Variants in ATP10A observed in about 807,000 individuals in gnomAD.
ATP10A encodes ATPase phospholipid transporting 10A (putative), also known as phospholipid-transporting ATPase VA.
ATP10A carries 111 observed loss-of-function variants against 147.8 expected under a neutral mutation model. That is an observed-to-expected ratio of 0.75 (90% CI 0.64 to 0.88). The LOEUF (loss-of-function observed/expected upper bound fraction) is 0.88, where lower values mean the gene tolerates loss of function less well. Among genes scored for constraint, ATP10A ranks in the 40% least tolerant of loss-of-function variants. ATP10A has a pLI of 0.00. For missense variants in ATP10A, 1,927 were observed against 1,959.0 expected (o/e 0.98, Z 0.31); for synonymous variants, 875 against 841.6 (o/e 1.04, Z -0.69).
downstream of ATP10A, chr15:25,678,377 T>C (rs867481041): frequency 2.0e-5 from 3 of 152,130 alleles, no homozygotes; most frequent in Non-Finnish European, 4.4e-5. Context: ...AAGAACTGTT[T>C]GACAAAGTAG....
At chr15:25,792,454 C>A (rs539734669) in intron 1 of ATP10A, among the ~76,000 whole-genome samples, 1 of 152,328 alleles carries the variant, frequency 6.6e-6, no homozygotes, top group African/African-American at 2.4e-5. Context: ...CGGGATGCCC[C>A]AAAGCCTCAA....
chr15:25,733,567 C>A (rs1887084821), intron 3 of ATP10A, among the ~76,000 whole-genome samples: 1 of 152,210 alleles, frequency 6.6e-6, no homozygotes, highest in African/African-American at 2.4e-5. Context: ...CCCCCAGAGG[C>A]CCCTCCTGAC....
chr15:25,687,219 ATCATT>A (rs1376452591), intron 16 of ATP10A, among the ~76,000 whole-genome samples: 1 of 46,262 alleles, frequency 2.2e-5, no homozygotes, highest in Non-Finnish European at 3.3e-5. Context: ...ACTTGTGCTT[ATCATT>A]GGATTTTCCG....
At chr15:25,751,471 T>C (rs1888154163) in intron 2 of ATP10A, among the ~76,000 whole-genome samples, 1 of 152,134 alleles carries the variant, frequency 6.6e-6, no homozygotes, top group Non-Finnish European at 1.5e-5. Context: ...CACGTTATTC[T>C]CAAAAGCACA....
intron 2 of ATP10A, among the ~76,000 whole-genome samples, chr15:25,756,440 G>A (rs1176760404): frequency 1.3e-5 from 2 of 152,162 alleles, no homozygotes; most frequent in Non-Finnish European, 2.9e-5. Flanking sequence ...TCAGGAGATT[G>A]AGATCATCCC....
At chr15:25,694,561 G>A (rs1165417702) in intron 14 of ATP10A, among the ~76,000 whole-genome samples, 1 of 152,238 alleles carries the variant, frequency 6.6e-6, no homozygotes, top group Non-Finnish European at 1.5e-5. Context: ...AACAGGGTAA[G>A]CTCCATCTTG....
At chr15:25,833,657 G>A (rs1430228340) in intron 1 of ATP10A, among the ~76,000 whole-genome samples, 1 of 152,078 alleles carries the variant, frequency 6.6e-6, no homozygotes, top group Non-Finnish European at 1.5e-5. Flanking sequence ...ATACTTCATG[G>A]ACTTAATTTT....
intron 12 of ATP10A, among the ~76,000 whole-genome samples, chr15:25,706,343 C>T (rs1901011445): frequency 6.6e-6 from 1 of 152,198 alleles, no homozygotes; most frequent in African/African-American, 2.4e-5. Flanking sequence ...CCAGGAGACT[C>T]ACCACACAAC....
chr15:25,811,345 C>T (rs1413649398), intron 1 of ATP10A, among the ~76,000 whole-genome samples: 1 of 152,064 alleles, frequency 6.6e-6, no homozygotes, highest in Non-Finnish European at 1.5e-5. Flanking sequence ...TCTAGGCCAT[C>T]AAGGGAGTGA....
Position 25,804,037 on chromosome 15 carries a change from CTG to C in ATP10A, c.450-22816_450-22815del, listed in dbSNP as rs1316909881. Among the ~76,000 whole-genome samples the C allele has an allele frequency of 6.5e-5, 9 of 138,838 alleles. No homozygotes were observed. The East Asian group carries it at 1.7e-3, about 27-fold the overall frequency. The allele number at this position is 138,838 out of a possible 152,430, so 91.1% of individuals were successfully genotyped here. On this transcript the variant is annotated intron_variant, in intron 1 of 20. Coordinates refer to ENST00000555815, the MANE Select transcript of ATP10A (RefSeq NM_024490.4). ...TATGCAGCATGGTGTGTGTGTGCAT[CTG>C]TGTGTGTGTCCATATGTGTGGTGTG...
Position 25,748,850 on chromosome 15 carries a change from T to C in ATP10A, c.655-12709A>G, listed in dbSNP as rs1596811238. Among the ~76,000 whole-genome samples, 4 of 148,458 alleles carry C rather than the reference T, an allele frequency of 2.7e-5. No individual in the cohort carries two copies. In the East Asian group the frequency reaches 7.9e-4, roughly 29 times the overall value. ...TAGGCAGATTATCTGAGGTCAGGAGTTCAAGAACAGCCTGGCCAACATGGT... is the reference window on the plus strand; with the variant it reads ...TAGGCAGATTATCTGAGGTCAGGAGCTCAAGAACAGCCTGGCCAACATGGT... On this transcript the variant is annotated intron_variant, in intron 2 of 20. Coordinates refer to ENST00000555815, the MANE Select transcript of ATP10A (RefSeq NM_024490.4).
At chr15:25,777,019 G>A (rs190302153) in intron 2 of ATP10A, among the ~76,000 whole-genome samples, 4 of 152,196 alleles carry the variant, frequency 2.6e-5, no homozygotes, top group Admixed American at 2.6e-4. Context: ...ATAGGCCTGA[G>A]TCCTCCACGT....
At chr15:25,699,812 G>A (rs1249151946) in intron 13 of ATP10A, among the ~76,000 whole-genome samples, 1 of 152,160 alleles carries the variant, frequency 6.6e-6, no homozygotes, top group Non-Finnish European at 1.5e-5. Context: ...AGGCTGTAAT[G>A]AGTTGCGATG....
chr15:25,783,599 C>T (rs1375245376), intron 1 of ATP10A, among the ~76,000 whole-genome samples: 2 of 152,172 alleles, frequency 1.3e-5, no homozygotes, highest in East Asian at 3.8e-4. Context: ...ATTCAAGATC[C>T]ACCAAACCAG....
At chr15:25,770,041 G>A (rs1889253000) in intron 2 of ATP10A, among the ~76,000 whole-genome samples, 1 of 152,164 alleles carries the variant, frequency 6.6e-6, no homozygotes, top group South Asian at 2.1e-4. Flanking sequence ...CAGACTTCCA[G>A]ACTCCGGAAC....
chr15:25,679,420 T>C lies in ATP10A; in HGVS notation c.4421A>G (p.Gln1474Arg). Residue 1474 changes from glutamine (Q) to arginine (R), a missense_variant, in exon 21 of 21, where the codon CAG (glutamine) becomes CGG (arginine). Coordinates refer to ENST00000555815, the MANE Select transcript of ATP10A (RefSeq NM_024490.4). ...AAGTCCTGATCGGCCTGAGTGGGGCTGGACAGGAAGTCCACGTCCCGCTTG... is the reference window on the plus strand; with the variant it reads ...AAGTCCTGATCGGCCTGAGTGGGGCCGGACAGGAAGTCCACGTCCCGCTTG... ...DGQAGRGLPVQPHSGRSGLQG... is the reference protein window; with the variant it reads ...DGQAGRGLPVRPHSGRSGLQG... 6.2e-7 allele frequency: 1 copy of C among 1,613,732 alleles called. No individual in the cohort carries two copies. The highest frequency in any genetic ancestry group is 2.2e-5 in the East Asian group (1 of 44,874).
At chr15:25,685,580 C>T (rs1277744071) in intron 16 of ATP10A, among the ~76,000 whole-genome samples, 2 of 152,008 alleles carry the variant, frequency 1.3e-5, no homozygotes, top group Non-Finnish European at 2.9e-5. Flanking sequence ...GCCTATAATA[C>T]CACACTTTGG....
Position 25,842,349 on chromosome 15 carries a change from T to A in ATP10A, c.449+20299A>T, listed in dbSNP as rs116854923. 1.1e-4 allele frequency among the ~76,000 whole-genome samples: 16 copies of A among 152,322 alleles called. No homozygotes were observed. The East Asian group carries it at 3.1e-3, about 29-fold the overall frequency. ...AAAACAGAAGTCCAGGGTCTCATGGTGTTGCTACCCCCTCATGTCCTGAGG... is the reference window on the plus strand; with the variant it reads ...AAAACAGAAGTCCAGGGTCTCATGGAGTTGCTACCCCCTCATGTCCTGAGG... On this transcript the variant is annotated intron_variant, in intron 1 of 20. Coordinates refer to ENST00000555815, the MANE Select transcript of ATP10A (RefSeq NM_024490.4).
chr15:25,684,512 G>T (rs1288547507), intron 16 of ATP10A, among the ~76,000 whole-genome samples: 1 of 152,224 alleles, frequency 6.6e-6, no homozygotes, highest in Admixed American at 6.5e-5. Flanking sequence ...GTGGTGAGTG[G>T]TATCGTTAGT....
Sources: gnomAD v4.1 joint callset for allele counts (sites outside exome capture counted in the v4.1 genomes callset) on GRCh38, gnomAD v4.1.1 for gene constraint, MANE v1.5 for transcripts, NCBI Gene and HGNC (gene_info 2026-07-23, HGNC 2026-07-21) for gene names.